Variants in FAM91A1 observed in about 807,000 individuals in gnomAD.
FAM91A1 encodes the protein protein FAM91A1.
In FAM91A1, 41 loss-of-function variants were observed where a neutral mutation model predicts 113.5. The ratio of observed to expected loss-of-function variants is 0.36; its 90% CI spans 0.28 to 0.47. FAM91A1 has a LOEUF of 0.47. FAM91A1 is among the 20% of genes least tolerant of loss of function. FAM91A1 has a pLI of 1.00. For missense variants in FAM91A1, 696 were observed against 1,001.2 expected (o/e 0.70, Z 4.11); for synonymous variants, 307 against 347.9 (o/e 0.88, Z 1.31).
intron 15 of FAM91A1, among the ~76,000 whole-genome samples, chr8:123,791,910 C>T (rs1259054627): frequency 6.6e-6 from 1 of 152,172 alleles, no homozygotes. Context: ...TGTGGTGGCT[C>T]ATGCCTGTAT....
intron 7 of FAM91A1, 148 bp from the exon 8 acceptor site, chr8:123,780,332 T>C (rs763656528): frequency 1.2e-5 from 9 of 748,692 alleles, no homozygotes; most frequent in Non-Finnish European, 1.9e-5. Context: ...TTAAAAACTT[T>C]AATTCTTTTT....
intron 15 of FAM91A1, among the ~76,000 whole-genome samples, chr8:123,796,461 CTTT>C (rs71289612): frequency 5.4e-5 from 7 of 129,026 alleles, no homozygotes; most frequent in Admixed American, 7.6e-5. Flanking sequence ...GAGTGAAGGG[CTTT>C]TTTTTTTTTT....
chr8:123,789,955 TGTA>T (rs1400497937), intron 15 of FAM91A1, among the ~76,000 whole-genome samples: 1 of 152,216 alleles, frequency 6.6e-6, no homozygotes, highest in Admixed American at 6.5e-5. Context: ...CACTAACATT[TGTA>T]GTATTTAAAT....
In FAM91A1 at chr8:123,808,940, A is replaced by T. The variant is rs1367773386; in HGVS notation, c.2185A>T (p.Ile729Phe). Reference protein sequence around the residue: ...DWVPLELCFGIPLFSSELNRK... With the variant: ...DWVPLELCFGFPLFSSELNRK... ...GGTTCCTCTCGAGCTGTGCTTTGGA[A>T]TTCCACTGTTCAGTTCCGAATTAAA... The change falls in exon 22 of 24, where the codon ATT becomes TTT. Residue 729 changes from isoleucine (I) to phenylalanine (F), a missense_variant. Physicochemically the swap from Ile to Phe is conservative, Grantham distance 21 (BLOSUM62 0). Transcript: ENST00000334705. 1 of 1,612,718 alleles carries T rather than the reference A, an allele frequency of 6.2e-7. No individual in the cohort carries two copies. Among genetic ancestry groups the T allele is most frequent in the South Asian group, 1.1e-5 (1 of 91,022 alleles).
At chr8:123,772,488 A>G (rs1014814718) in intron 1 of FAM91A1, among the ~76,000 whole-genome samples, 21 of 151,960 alleles carry the variant, frequency 1.4e-4, no homozygotes, top group Non-Finnish European at 2.4e-4. Flanking sequence ...TTTCTCTACA[A>G]TGAGATCTAC....
At chr8:123,796,708 C>T (rs1192058087) in intron 15 of FAM91A1, among the ~76,000 whole-genome samples, 5 of 150,806 alleles carry the variant, frequency 3.3e-5, no homozygotes, top group African/African-American at 7.3e-5. Flanking sequence ...CTGCCCACCT[C>T]GGCCTCCCAG....
At chr8:123,768,968 G>A (rs1473312743) in intron 1 of FAM91A1, among the ~76,000 whole-genome samples, 194 bp downstream of exon 1, 2 of 152,258 alleles carry the variant, frequency 1.3e-5, no homozygotes, top group African/African-American at 4.8e-5. Flanking sequence ...GCCAGGACGG[G>A]GCGATCGCTA....
intron 22 of FAM91A1, 142 bp downstream of exon 22, chr8:123,809,158 T>G: frequency 8.0e-7 from 1 of 1,253,750 alleles, no homozygotes; most frequent in Non-Finnish European, 1.0e-6. Flanking sequence ...ATCGCTAGTT[T>G]AAGGGTTTTG....
intron 3 of FAM91A1, among the ~76,000 whole-genome samples, chr8:123,775,619 G>A (rs1343903959): frequency 2.0e-5 from 3 of 152,080 alleles, no homozygotes; most frequent in Admixed American, 6.5e-5. Context: ...TTTTTAAAAC[G>A]TGATTAAGGT....
intron 4 of FAM91A1, 63 bp downstream of exon 4, chr8:123,777,385 C>A: frequency 1.4e-6 from 2 of 1,411,066 alleles, no homozygotes; most frequent in South Asian, 1.2e-5. Flanking sequence ...ATCCTGTCAT[C>A]TGTGAATATT....
At chr8:123,789,549 A>C (rs1026928595) in intron 14 of FAM91A1, 64 bp from the exon 15 acceptor site, 1 of 1,596,716 alleles carries the variant, frequency 6.3e-7, no homozygotes, top group Non-Finnish European at 8.5e-7. Flanking sequence ...CTATTATATG[A>C]TTATTAGAGT....
Position 123,805,250 on chromosome 8 carries a change from C to A in FAM91A1, c.1810-17C>A, listed in dbSNP as rs1815773914. The A allele has an allele frequency of 1.9e-6, 3 of 1,597,080 alleles. No homozygotes were observed. Among genetic ancestry groups the A allele is most frequent in the Non-Finnish European group, 2.6e-6 (3 of 1,171,258 alleles). On this transcript the variant is annotated splice_polypyrimidine_tract_variant and intron_variant, in intron 18 of 23. Coordinates refer to ENST00000334705, the MANE Select transcript of FAM91A1 (RefSeq NM_144963.4). ...TGAAGGTTTCTTGTATACCTTTTAA[C>A]TTTTGTTTATGTTTAGGGGCATGGT...
chr8:123,799,539 C>T lies in FAM91A1; in HGVS notation c.1580C>T (p.Pro527Leu). The part of the protein sequence containing the change: ...CTPQHIGPAI[P>L]EVSSVWFKLY... ...TTGTAGCATATTGGACCAGCTATCC[C>T]AGAAGTCAGCTCTGTCTGGTTTAAA... Residue 527 changes from proline (P) to leucine (L), a missense_variant, in exon 17 of 24, where the codon CCA (proline) becomes CTA (leucine). Pro to Leu is a moderately conservative substitution (Grantham distance 98). Transcript: ENST00000334705. 1.9e-6 allele frequency: 3 copies of T among 1,612,084 alleles called. No individual in the cohort carries two copies. The highest frequency in any genetic ancestry group is 2.5e-6 in the Non-Finnish European group (3 of 1,179,564).
Position 123,777,305 on chromosome 8 carries a change from AT to A in FAM91A1, c.354del (p.Phe118LeufsTer7). The A allele has an allele frequency of 1.2e-6, 2 of 1,612,188 alleles. No individual in the cohort carries two copies. Among genetic ancestry groups the A allele is most frequent in the Non-Finnish European group, 8.5e-7 (1 of 1,179,200 alleles). On this transcript the variant is annotated frameshift_variant, in exon 4 of 24. Transcript: ENST00000334705. LOFTEE classifies it high-confidence loss of function. ...GAGAAAAGTTATGATTCATTGCCCAATTTTACTGCTGCTGACTGTAAGTATT... is the reference window on the plus strand; with the variant it reads ...GAGAAAAGTTATGATTCATTGCCCAATTTACTGCTGCTGACTGTAAGTATT... Reference protein sequence around the residue: ...NSEKSYDSLPNFTAADCLRLL... With the variant: ...NSEKSYDSLPXFTAADCLRLL...
At chr8:123,809,054 T>G in intron 22 of FAM91A1, 38 bp downstream of exon 22, 1 of 1,601,076 alleles carries the variant, frequency 6.2e-7, no homozygotes, top group African/African-American at 1.3e-5. Context: ...TTCATATCAA[T>G]TTTTAAGCTG....
chr8:123,803,550 G>A (rs906014828), intron 18 of FAM91A1, among the ~76,000 whole-genome samples: 4 of 152,098 alleles, frequency 2.6e-5, no homozygotes, highest in Non-Finnish European at 2.9e-5. Flanking sequence ...TGATCTGCCC[G>A]CCTTGACCTC....
intron 15 of FAM91A1, among the ~76,000 whole-genome samples, chr8:123,795,868 C>G (rs1342490781): frequency 6.6e-6 from 1 of 152,090 alleles, no homozygotes; most frequent in African/African-American, 2.4e-5. Flanking sequence ...GTCAGGACTG[C>G]GCTTATCTAT....
At chr8:123,799,984 A>G in intron 18 of FAM91A1, 99 bp downstream of exon 18, 1 of 1,011,682 alleles carries the variant, frequency 9.9e-7, no homozygotes, top group Non-Finnish European at 1.4e-6. Context: ...GTCATTTGAA[A>G]TTTATGAAGT....
At chr8:123,784,645 AT>A in intron 9 of FAM91A1, 69 bp downstream of exon 9, 1 of 1,113,296 alleles carries the variant, frequency 9.0e-7, no homozygotes, top group Non-Finnish European at 1.3e-6. Flanking sequence ...AAGTAAAGTT[AT>A]TTAATATGGT....
Sources: gnomAD v4.1 joint callset for allele counts (sites outside exome capture counted in the v4.1 genomes callset) on GRCh38, gnomAD v4.1.1 for gene constraint, MANE v1.5 for transcripts, NCBI Gene and HGNC (gene_info 2026-07-23, HGNC 2026-07-21) for gene names.